The following COG2 variants were observed in gnomAD, a reference collection of about 807,000 sequenced individuals.
COG2 encodes component of oligomeric golgi complex 2, also known as conserved oligomeric Golgi complex subunit 2.
COG2 carries 52 observed loss-of-function variants against 90.6 expected under a neutral mutation model. The ratio of observed to expected loss-of-function variants is 0.57; its 90% CI spans 0.46 to 0.72. The LOEUF (loss-of-function observed/expected upper bound fraction) is 0.72, where lower values mean the gene tolerates loss of function less well. Ranked by LOEUF, COG2 falls within the 30% of genes least tolerant of loss-of-function variation. The pLI, the probability that COG2 is intolerant of heterozygous loss-of-function variation, is 0.00. For missense variants in COG2, 829 were observed against 891.2 expected, an observed-to-expected ratio of 0.93 and a Z score of 0.89; for synonymous variants, 337 against 320.4, an observed-to-expected ratio of 1.05 and a Z score of -0.55.
At chr1:230,667,338 C>T (rs1194224195) in intron 5 of COG2, among the ~76,000 whole-genome samples, 1 of 152,096 alleles carries the variant, frequency 6.6e-6, no homozygotes, top group Admixed American at 6.5e-5. Flanking sequence ...GTCTTCCTTG[C>T]TCCGAATCAT....
At chr1:230,688,008 G>C in intron 13 of COG2, 63 bp from the exon 14 acceptor site, 1 of 1,129,170 alleles carries the variant, frequency 8.9e-7, no homozygotes, top group East Asian at 2.5e-5. Flanking sequence ...GATGCAAATA[G>C]AATTGCCTCT....
In COG2 at chr1:230,678,251, T is replaced by G. The variant is rs1028073567; in HGVS notation, c.1027-662T>G. ...TTCCTCTACCGCCTGGCTTGTCTTT[T>G]GAGCAGGTTCTCTGTGAGCCTCAAC... On this transcript the variant is annotated intron_variant, in intron 9 of 17. Coordinates refer to ENST00000366669, the MANE Select transcript of COG2 (RefSeq NM_007357.3). The G allele has an allele frequency of 5.1e-6, 5 of 985,300 alleles. No homozygotes were observed. In the African/African-American group the frequency reaches 8.7e-5, roughly 17 times the overall value. 61.0% of individuals were successfully genotyped at this position (985,300 alleles called of 1,614,324 possible).
At chr1:230,674,319 A>T (rs2102761992) in intron 8 of COG2, among the ~76,000 whole-genome samples, 1 of 152,350 alleles carries the variant, frequency 6.6e-6, no homozygotes, top group South Asian at 2.1e-4. Flanking sequence ...GCCCTCCAAT[A>T]TCTGAATCAG....
intron 11 of COG2, among the ~76,000 whole-genome samples, 188 bp downstream of exon 11, chr1:230,683,823 G>A (rs934725292): frequency 3.3e-5 from 5 of 150,654 alleles, no homozygotes; most frequent in South Asian, 2.1e-4. Context: ...ATGGAGTCTC[G>A]CTGTGTTGCC....
At position 230,689,921 on chromosome 1, in the gene COG2, A is replaced by G. The variant is rs143877151; in HGVS notation, c.1795-93A>G. 3 of 1,285,530 alleles carry G rather than the reference A, an allele frequency of 2.3e-6. No individual in the cohort carries two copies. In the African/African-American group the frequency reaches 4.5e-5, roughly 19 times the overall value. The allele number at this position is 1,285,530 out of a possible 1,614,324, so 79.6% of individuals were successfully genotyped here. ...TCCGTGTCTCAAAACTAGAACGTTA[A>G]TAGTATCCTTTTGGACTTGAGTTCT... On this transcript the variant is annotated intron_variant, in intron 15 of 17. Transcript: ENST00000366669.
At chr1:230,677,032 T>C (rs983405912) in intron 9 of COG2, among the ~76,000 whole-genome samples, 1 of 152,174 alleles carries the variant, frequency 6.6e-6, no homozygotes, top group Non-Finnish European at 1.5e-5. Flanking sequence ...AATCTGAGAA[T>C]TGGTATCTTT....
chr1:230,678,575 A>G (rs1662655488), intron 9 of COG2: 4 of 1,215,448 alleles, frequency 3.3e-6, no homozygotes, highest in Non-Finnish European at 4.2e-6. Context: ...ATGACGAACT[A>G]TGTCATTTAA....
intron 17 of COG2, chr1:230,691,824 T>C: frequency 2.4e-6 from 1 of 412,528 alleles, no homozygotes; most frequent in East Asian, 4.3e-5. Context: ...CCAGTGCCCA[T>C]GCTCACGGAG....
intron 9 of COG2, chr1:230,678,231 C>G: frequency 3.0e-6 from 3 of 985,430 alleles, no homozygotes; most frequent in Non-Finnish European, 3.6e-6. Context: ...TCTGCTTCCT[C>G]TACCGCCTGG....
At chr1:230,679,090 C>G (rs771767014) in intron 10 of COG2, 38 bp downstream of exon 10, 34 of 1,570,308 alleles carry the variant, frequency 2.2e-5, no homozygotes, top group Non-Finnish European at 2.8e-5. Flanking sequence ...CCGCACCCTT[C>G]TAAAACAGAA....
intron 1 of COG2, among the ~76,000 whole-genome samples, chr1:230,646,546 A>G (rs1442853213): frequency 1.3e-5 from 2 of 152,106 alleles, no homozygotes; most frequent in Admixed American, 6.5e-5. Context: ...TGCAGCTTCA[A>G]TGACCACGTG....
chr1:230,669,762 G>A (rs1662402999), intron 7 of COG2: 5 of 394,492 alleles, frequency 1.3e-5, no homozygotes, highest in East Asian at 7.7e-5. Flanking sequence ...GGAATGCTGC[G>A]GCTCAGGCTT....
chr1:230,672,339 T>C (rs907738906), intron 8 of COG2, among the ~76,000 whole-genome samples: 27 of 152,208 alleles, frequency 1.8e-4, no homozygotes, highest in African/African-American at 6.5e-4. Context: ...TCTTGCCTGG[T>C]AGCTCTCCAC....
At chr1:230,644,367 CAT>C (rs1661707637) in intron 1 of COG2, among the ~76,000 whole-genome samples, 2 of 152,170 alleles carry the variant, frequency 1.3e-5, no homozygotes, top group African/African-American at 4.8e-5. Context: ...TTGCCTTAAA[CAT>C]ATAAAACTAC....
rs998602652 is a variant in COG2 at position 230,693,239 on chromosome 1, C to CT, written c.2116-53_2116-52insT. 4.5e-5 allele frequency: 47 copies of CT among 1,040,258 alleles called. No individual in the cohort carries two copies. In the African/African-American group the frequency reaches 5.5e-4, roughly 12 times the overall value. The allele number at this position is 1,040,258 out of a possible 1,614,324, so 64.4% of individuals were successfully genotyped here. A position where few individuals can be genotyped will look rare whatever the true frequency, so the allele number is the denominator to read the frequency against. On this transcript the variant is annotated intron_variant, in intron 17 of 17. Transcript: ENST00000366669. ...AGATTTTCTTTCTTTTTTTTCCCCC[C>CT]CCATATTCAGCTTGAATTGCAGTAA...
chr1:230,686,821 C>T, intron 12 of COG2, 114 bp from the exon 13 acceptor site: 1 of 550,020 alleles, frequency 1.8e-6, no homozygotes, highest in Non-Finnish European at 3.1e-6. Context: ...TTACTAAATG[C>T]TATGTAGACA....
In COG2 at chr1:230,642,622, A is replaced by T; in HGVS notation, c.16A>T (p.Met6Leu). The T allele has an allele frequency of 6.2e-7, 1 of 1,613,052 alleles. No individual in the cohort carries two copies. Residue 6 changes from methionine to leucine, a missense_variant, in exon 1 of 18, where the codon ATG becomes TTG. Met to Leu is a conservative substitution (Grantham distance 15). Coordinates refer to ENST00000366669, the MANE Select transcript of COG2 (RefSeq NM_007357.3). MEKSR[M>L]NLPKGPDTLC... ...GGCCGGCGGGATGGAGAAAAGTAGG[A>T]TGAACCTGCCCAAGGGGCCGGACAC...
intron 8 of COG2, 111 bp from the exon 9 acceptor site, chr1:230,674,887 G>A: frequency 1.2e-6 from 1 of 817,870 alleles, no homozygotes; most frequent in Non-Finnish European, 1.8e-6. Context: ...TTTTTAAAAA[G>A]TTGAAATAAG....
chr1:230,677,491 C>T (rs1299918050), intron 9 of COG2, among the ~76,000 whole-genome samples: 2 of 152,140 alleles, frequency 1.3e-5, no homozygotes, highest in Non-Finnish European at 2.9e-5. Flanking sequence ...CATTGAATAA[C>T]AGGATTGTGC....
Sources: allele counts gnomAD v4.1 joint callset (sites outside exome capture counted in the v4.1 genomes callset), GRCh38; gene constraint gnomAD v4.1.1; transcripts MANE v1.5; gene names NCBI Gene and HGNC (gene_info 2026-07-23, HGNC 2026-07-21).